UBE2G1: variants seen among roughly 807,000 people sequenced by gnomAD.
UBE2G1 encodes the protein ubiquitin conjugating enzyme E2 G1, also known as ubiquitin-conjugating enzyme E2 G1.
Under a neutral mutation model 22.7 loss-of-function variants are expected in UBE2G1, and 5 were observed. The observed-to-expected ratio is 0.22, with a 90% CI of 0.12 to 0.46. UBE2G1 has a LOEUF of 0.46. Among genes scored for constraint, UBE2G1 ranks in the 20% least tolerant of loss-of-function variants. The pLI is 0.99. For synonymous variants in UBE2G1, 74 were observed against 67.5 expected (o/e 1.10, Z -0.47); for missense variants, 88 against 203.9 (o/e 0.43, Z 3.46).
rs771913195 is a variant in UBE2G1 at position 4,366,263 on chromosome 17, C to A, written c.46+8G>T. ...CCGGGCCCGGCGCCCCGCCGCCCGC[C>A]TGCTCACCTGCCAGCTGTCTTCGCA... On this transcript the variant is annotated splice_region_variant and intron_variant, in intron 1 of 5. Transcript: ENST00000396981. 7.1e-6 allele frequency: 11 copies of A among 1,549,852 alleles called. No homozygotes were observed. The African/African-American group carries it at 1.6e-4, about 22-fold the overall frequency.
chr17:4,303,192 G>A (rs1412610570), intron 2 of UBE2G1, among the ~76,000 whole-genome samples: 2 of 152,130 alleles, frequency 1.3e-5, no homozygotes, highest in African/African-American at 4.8e-5. Flanking sequence ...TCTACTATGT[G>A]GTTATGTGGA....
At chr17:4,360,934 T>A (rs563585263) in intron 1 of UBE2G1, among the ~76,000 whole-genome samples, 1 of 150,404 alleles carries the variant, frequency 6.6e-6, no homozygotes, top group African/African-American at 2.4e-5. Context: ...ATCTATGCAA[T>A]AGACGGGCTG....
chr17:4,350,981 C>T (rs930114097), intron 1 of UBE2G1, among the ~76,000 whole-genome samples: 4 of 149,094 alleles, frequency 2.7e-5, no homozygotes, highest in Non-Finnish European at 4.5e-5. Context: ...TGCAGTGACC[C>T]GAGATCTCAC....
In UBE2G1 at chr17:4,289,976, T is replaced by A. The variant is rs1404289610; in HGVS notation, c.248-568A>T. Reference sequence around the variant, plus strand: ...ATGCCATACTGCCAATGAAAACTCATCAACATATACGACACTCAAGAGGCC... The same window carrying A: ...ATGCCATACTGCCAATGAAAACTCAACAACATATACGACACTCAAGAGGCC... On this transcript the variant is annotated intron_variant, in intron 3 of 5. Transcript: ENST00000396981. Among the ~76,000 whole-genome samples, 3 of 152,174 alleles carry A rather than the reference T, an allele frequency of 2.0e-5. No homozygotes were observed. In the East Asian group the frequency reaches 5.8e-4, roughly 29 times the overall value.
chr17:4,282,307 C>A (rs1368627768), intron 5 of UBE2G1, among the ~76,000 whole-genome samples: 1 of 151,986 alleles, frequency 6.6e-6, no homozygotes, highest in African/African-American at 2.4e-5. Flanking sequence ...AGTCTCAAAC[C>A]CCTGATCTCA....
At chr17:4,279,039 C>T (rs1364792092) in intron 5 of UBE2G1, among the ~76,000 whole-genome samples, 3 of 152,124 alleles carry the variant, frequency 2.0e-5, no homozygotes, top group Non-Finnish European at 4.4e-5. Context: ...CTGTGAGAGG[C>T]CAAGGCAGGT....
intron 4 of UBE2G1, among the ~76,000 whole-genome samples, chr17:4,286,971 G>T (rs1968971273): frequency 6.6e-6 from 1 of 152,128 alleles, no homozygotes; most frequent in South Asian, 2.1e-4. Flanking sequence ...ATTGAACACA[G>T]AGGGCAGAGG....
chr17:4,273,153 T>C (rs1322662011), intron 5 of UBE2G1, among the ~76,000 whole-genome samples: 1 of 152,196 alleles, frequency 6.6e-6, no homozygotes, highest in African/African-American at 2.4e-5. Context: ...AGAACACATC[T>C]ACATAAAAAG....
chr17:4,364,105 A>T (rs1340018334), intron 1 of UBE2G1: 1 of 149,456 alleles, frequency 6.7e-6, no homozygotes, highest in African/African-American at 2.5e-5. Flanking sequence ...TCTACTAAAA[A>T]TACAAAAAAT....
chr17:4,354,838 A>G (rs1969886825), intron 1 of UBE2G1, among the ~76,000 whole-genome samples: 1 of 150,868 alleles, frequency 6.6e-6, no homozygotes, highest in African/African-American at 2.4e-5. Flanking sequence ...GGAGGCAGAT[A>G]AGGTGGGAGG....
At chr17:4,279,435 T>C (rs1267807101) in intron 5 of UBE2G1, among the ~76,000 whole-genome samples, 4 of 152,034 alleles carry the variant, frequency 2.6e-5, no homozygotes, top group Admixed American at 2.6e-4. Context: ...GAAAGTGGGG[T>C]GAGTGAAGTT....
In UBE2G1 at chr17:4,365,827, C is replaced by G. The variant is rs527559764; in HGVS notation, c.46+444G>C. On this transcript the variant is annotated intron_variant, in intron 1 of 5. Coordinates refer to ENST00000396981, the MANE Select transcript of UBE2G1 (RefSeq NM_003342.5). ...ATCCCGCCAGGGCCGGTCCCTTCCG[C>G]CCGCCCTCAGACACCGAGCCGGGGA... 3.9e-5 allele frequency among the ~76,000 whole-genome samples: 6 copies of G among 152,300 alleles called. No individual in the cohort carries two copies. In the South Asian group the frequency reaches 1.2e-3, roughly 32 times the overall value.
At chr17:4,332,678 G>A (rs1969592979) in intron 1 of UBE2G1, among the ~76,000 whole-genome samples, 1 of 151,962 alleles carries the variant, frequency 6.6e-6, no homozygotes, top group South Asian at 2.1e-4. Context: ...CCTCCCTCCA[G>A]CGTTCAGGGG....
chr17:4,325,331 TAGTTTTAAA>T (rs1969493030), intron 1 of UBE2G1, among the ~76,000 whole-genome samples: 1 of 152,196 alleles, frequency 6.6e-6, no homozygotes. Flanking sequence ...TCTATTTCAG[TAGTTTTAAA>T]ACTTCAACCA....
At chr17:4,342,285 C>T (rs1192108260) in intron 1 of UBE2G1, among the ~76,000 whole-genome samples, 1 of 152,160 alleles carries the variant, frequency 6.6e-6, no homozygotes, top group Non-Finnish European at 1.5e-5. Flanking sequence ...GGCCAAAAAC[C>T]CTGAAATCAT....
At chr17:4,322,332 A>T (rs8071520) in intron 1 of UBE2G1, among the ~76,000 whole-genome samples, 7,140 of 152,318 alleles carry the variant, frequency 0.047, 603 homozygotes, top group African/African-American at 0.16. Flanking sequence ...ATGTCAAAGT[A>T]GCTGTGATCT....
chr17:4,315,647 G>A (rs1316906216), intron 1 of UBE2G1, among the ~76,000 whole-genome samples: 3 of 151,152 alleles, frequency 2.0e-5, no homozygotes, highest in Non-Finnish European at 4.4e-5. Flanking sequence ...GGCTGAGGCA[G>A]GAGAATGGCG....
At chr17:4,334,857 T>A (rs8077918) in intron 1 of UBE2G1, among the ~76,000 whole-genome samples, 1 of 152,028 alleles carries the variant, frequency 6.6e-6, no homozygotes, top group African/African-American at 2.4e-5. Context: ...AAGTTTTTTT[T>A]AAAAGAGGAA....
intron 1 of UBE2G1, among the ~76,000 whole-genome samples, chr17:4,349,535 T>G: frequency 6.6e-6 from 1 of 151,962 alleles, no homozygotes; most frequent in African/African-American, 2.4e-5. Flanking sequence ...CGTCACATAG[T>G]TGTCTAAAAA....
Sources: allele counts gnomAD v4.1 joint callset (sites outside exome capture counted in the v4.1 genomes callset), GRCh38; gene constraint gnomAD v4.1.1; transcripts MANE v1.5; gene names NCBI Gene and HGNC (gene_info 2026-07-23, HGNC 2026-07-21).